RBFOX3: variants seen among roughly 807,000 people sequenced by gnomAD.
RBFOX3 encodes RNA binding fox-1 homolog 3.
In RBFOX3, 17 loss-of-function variants were observed where a neutral mutation model predicts 48.7. The ratio of observed to expected loss-of-function variants is 0.35; its 90% CI spans 0.24 to 0.52. RBFOX3 has a LOEUF of 0.52. Among genes scored for constraint, RBFOX3 ranks in the 20% least tolerant of loss-of-function variants. The probability of loss-of-function intolerance (pLI) is 0.94; values close to 1 mark genes in which losing one functional copy is unlikely to be tolerated. For synonymous variants in RBFOX3, 212 were observed against 209.5 expected (o/e 1.01, Z -0.10); for missense variants, 382 against 497.5 (o/e 0.77, Z 2.21).
chr17:79,138,691 G>GC (rs1568206338), intron 4 of RBFOX3, among the ~76,000 whole-genome samples: 1 of 29,300 alleles, frequency 3.4e-5, no homozygotes, highest in African/African-American at 1.5e-4. Flanking sequence ...CATACACATG[G>GC]ACACAGCACA....
intron 2 of RBFOX3, among the ~76,000 whole-genome samples, chr17:79,370,560 T>C (rs973342764): frequency 8.1e-5 from 12 of 147,426 alleles, no homozygotes; most frequent in African/African-American, 3.1e-4. Flanking sequence ...CATACATACA[T>C]GTGTGCTCAC....
In RBFOX3 at chr17:79,178,117, G is replaced by A. The variant is rs913426588; in HGVS notation, c.-34+57649C>T. ...TCGGCCATCACTGCCGGGCTCCTAC[G>A]GGCTCCTTCCCCGCCGCCACGTCCA... On this transcript the variant is annotated intron_variant, in intron 4 of 14. Transcript: ENST00000693108. 7.2e-5 allele frequency among the ~76,000 whole-genome samples: 11 copies of A among 152,292 alleles called. 1 individual carries two copies. Among genetic ancestry groups the A allele is most frequent in the Middle Eastern group, 6.8e-3 (2 of 294 alleles).
rs11310195 is a variant in RBFOX3, at chr17:79,198,630, CTTT to C, written c.-34+37133_-34+37135del. On this transcript the variant is annotated intron_variant, in intron 4 of 14. Coordinates refer to ENST00000693108, the MANE Select transcript of RBFOX3 (RefSeq NM_001350451.2). The surrounding 1 kb of genome is among the most constrained non-coding windows in gnomAD (Gnocchi z 8.2). Reference sequence around the variant, plus strand: ...CCCTGCTTTTGAACTTTCTCTCTCTCTTTTTTTTTTTTTAAGATGGAGTCTTGC... The same window carrying C: ...CCCTGCTTTTGAACTTTCTCTCTCTCTTTTTTTTTTAAGATGGAGTCTTGC... Among the ~76,000 whole-genome samples, 5 of 147,322 alleles carry C rather than the reference CTTT, an allele frequency of 3.4e-5. No homozygotes were observed. Among genetic ancestry groups the C allele is most frequent in the Non-Finnish European group, 6.0e-5 (4 of 66,662 alleles).
chr17:79,097,672 C>A lies in RBFOX3; in HGVS notation c.622+20G>T. On this transcript the variant is annotated intron_variant, in intron 10 of 14. Transcript: ENST00000693108. ...CAAGTAGCTGGTCTCATCCCATCCC[C>A]GCCCCGCCCCAGCTTTTACCTGCAT... 6.5e-7 allele frequency: 1 copy of A among 1,532,708 alleles called. No individual in the cohort carries two copies. Among genetic ancestry groups the A allele is most frequent in the Non-Finnish European group, 8.8e-7 (1 of 1,131,138 alleles). The allele number at this position is 1,532,708 out of a possible 1,614,324, so 94.9% of individuals were successfully genotyped here. A position where few individuals can be genotyped will look rare whatever the true frequency, so the allele number is the denominator to read the frequency against.
chr17:79,619,610 G>T, the RBFOX3 span, among the ~76,000 whole-genome samples: 1 of 152,136 alleles, frequency 6.6e-6, no homozygotes, highest in African/African-American at 2.4e-5. Flanking sequence ...TCCAAATAAG[G>T]CAGGCTCTGA....
rs1026672888 is a variant in RBFOX3 at position 79,337,030 on chromosome 17, G to T, written c.-174-29206C>A. On this transcript the variant is annotated intron_variant, in intron 2 of 14. Coordinates refer to ENST00000693108, the MANE Select transcript of RBFOX3 (RefSeq NM_001350451.2). ...AGCTACTTGGGAAGCTGAGGCAGAA[G>T]AATCGCTTGAACCTGGAGCAGAGGT... is the stretch of plus-strand genomic sequence containing the variant. Among the ~76,000 whole-genome samples the T allele has an allele frequency of 2.0e-5, 3 of 152,062 alleles. No individual in the cohort carries two copies. The East Asian group carries it at 5.8e-4, about 29-fold the overall frequency.
At chr17:79,280,841 TG>T (rs34734841) in intron 3 of RBFOX3, among the ~76,000 whole-genome samples, 19,146 of 101,856 alleles carry the variant, frequency 0.19, 1,428 homozygotes, top group Middle Eastern at 0.33. Context: ...TGTCCCATTG[TG>T]GGGGGGGGGA....
intron 1 of RBFOX3, among the ~76,000 whole-genome samples, chr17:79,492,827 G>A (rs370715519): frequency 1.1e-3 from 167 of 152,348 alleles, no homozygotes; most frequent in African/African-American, 3.9e-3. Flanking sequence ...AGATTACAGA[G>A]GTGAGGAAGG....
At chr17:79,376,270 T>C (rs1490746714) in intron 2 of RBFOX3, among the ~76,000 whole-genome samples, 3 of 152,158 alleles carry the variant, frequency 2.0e-5, no homozygotes, top group Non-Finnish European at 4.4e-5. Flanking sequence ...AATGATTTCC[T>C]CCCATTTTTG....
intron 1 of RBFOX3, among the ~76,000 whole-genome samples, chr17:79,592,106 T>G (rs1854618235): frequency 6.7e-6 from 1 of 149,308 alleles, no homozygotes; most frequent in East Asian, 2.0e-4. Flanking sequence ...CATGTGTGTG[T>G]GTGTAGTGTG....
chr17:79,401,440 A>C (rs899408149), intron 2 of RBFOX3, among the ~76,000 whole-genome samples: 1 of 152,252 alleles, frequency 6.6e-6, no homozygotes, highest in African/African-American at 2.4e-5. Context: ...TCAACCAATC[A>C]GCCAATCAAT....
rs185139629 is a variant in RBFOX3, at chr17:79,448,092, C to T, written c.-175+34362G>A. ...CCTCCCAGCCACGCTTCTGGTACAA[C>T]CTGTGGAACTGTGAGTCCATTAAAC... On this transcript the variant is annotated intron_variant, in intron 2 of 14. Transcript: ENST00000693108. Among the ~76,000 whole-genome samples, 3 of 152,326 alleles carry T rather than the reference C, an allele frequency of 2.0e-5. 1 individual carries two copies. Among genetic ancestry groups the T allele is most frequent in the Admixed American group, 2.0e-4 (3 of 15,292 alleles).
intron 1 of RBFOX3, among the ~76,000 whole-genome samples, chr17:79,484,505 GGGGGCCTGGGTGCAGGGGGCCTGGGTGCA>G (rs1447147161): frequency 0.28 from 33,859 of 118,876 alleles, 8,390 homozygotes; most frequent in Non-Finnish European, 0.34. Flanking sequence ...CCTGGGTGCA[GGGGGCCTGGGTGCAGGGGGCCTGGGTGCA>G]GGGGCCTGGG....
Position 79,500,780 on chromosome 17 carries a change from G to A in RBFOX3, c.-319-18182C>T, listed in dbSNP as rs1229853207. The stretch of plus-strand genomic sequence containing the variant: ...ACTTCCCTGCCTGCAGCCCCTGCCT[G>A]TTCCCTGGAAACAGGAAGTGACAGT... On this transcript the variant is annotated intron_variant, in intron 1 of 14. Coordinates refer to ENST00000693108, the MANE Select transcript of RBFOX3 (RefSeq NM_001350451.2). 6.6e-5 allele frequency among the ~76,000 whole-genome samples: 10 copies of A among 152,300 alleles called. No homozygotes were observed. In the East Asian group the frequency reaches 1.9e-3, roughly 29 times the overall value.
chr17:79,363,073 G>A lies in RBFOX3; in HGVS notation c.-174-55249C>T, dbSNP rs1218500028. Among the ~76,000 whole-genome samples the A allele has an allele frequency of 1.3e-5, 2 of 152,208 alleles. No individual in the cohort carries two copies. Among genetic ancestry groups the A allele is most frequent in the African/African-American group, 2.4e-5 (1 of 41,456 alleles). ...GAAAGTAAAAATTCAGAGGCATGACGCTTGCACATGCGAGGTTTCTGGGCC... is the reference window on the plus strand; with the variant it reads ...GAAAGTAAAAATTCAGAGGCATGACACTTGCACATGCGAGGTTTCTGGGCC... On this transcript the variant is annotated intron_variant, in intron 2 of 14. Coordinates refer to ENST00000693108, the MANE Select transcript of RBFOX3 (RefSeq NM_001350451.2). The surrounding 1 kb of genome is among the most constrained non-coding windows in gnomAD (Gnocchi z 4.7).
intron 1 of RBFOX3, among the ~76,000 whole-genome samples, chr17:79,553,949 G>T (rs2094361260): frequency 6.6e-6 from 1 of 152,084 alleles, no homozygotes; most frequent in South Asian, 2.1e-4. Flanking sequence ...GGCCAGATTG[G>T]TCTCAAATTC....
At position 79,147,378 on chromosome 17, in the gene RBFOX3, T is replaced by C. The variant is rs4789949; in HGVS notation, c.-33-31630A>G. Among the ~76,000 whole-genome samples, 11 of 152,166 alleles carry C rather than the reference T, an allele frequency of 7.2e-5. No homozygotes were observed. In the South Asian group the frequency reaches 1.7e-3, roughly 23 times the overall value. On this transcript the variant is annotated intron_variant, in intron 4 of 14. Coordinates refer to ENST00000693108, the MANE Select transcript of RBFOX3 (RefSeq NM_001350451.2). The stretch of plus-strand genomic sequence containing the variant: ...AGAGAAGATAATTAACTAGGGAACA[T>C]CAGAGTTGGGGTTTGAGCCCAAAGC...
chr17:79,379,514 G>T (rs748697131), intron 2 of RBFOX3, among the ~76,000 whole-genome samples: 1 of 152,112 alleles, frequency 6.6e-6, no homozygotes, highest in Admixed American at 6.5e-5. Context: ...CATTAAGCAC[G>T]GATGGCTGTT....
chr17:79,099,891 G>C (rs2146403798), intron 9 of RBFOX3: 1 of 152,324 alleles, frequency 6.6e-6, no homozygotes, highest in Non-Finnish European at 1.5e-5. Flanking sequence ...GAATTCCAGA[G>C]TGTTGGGTAG....
Sources: gnomAD v4.1 joint callset for allele counts (sites outside exome capture counted in the v4.1 genomes callset) on GRCh38, gnomAD v4.1.1 for gene constraint, Gnocchi (gnomAD v3.1) non-coding constraint, MANE v1.5 for transcripts, NCBI Gene and HGNC (gene_info 2026-07-23, HGNC 2026-07-21) for gene names.